The following HDAC1 variants were observed in gnomAD, a reference collection of about 807,000 sequenced individuals.
HDAC1 encodes protein deacetylase HDAC1.
Under a neutral mutation model 65.5 loss-of-function variants are expected in HDAC1, and 18 were observed. The ratio of observed to expected loss-of-function variants is 0.27; its 90% confidence interval spans 0.19 to 0.41. The LOEUF is 0.41. Ranked by LOEUF, HDAC1 falls within the 10% of genes least tolerant of loss-of-function variation. HDAC1 has a pLI of 1.00. For synonymous variants in HDAC1, 211 were observed against 227.9 expected (o/e 0.93, Z 0.67); for missense variants, 373 against 625.2 (o/e 0.60, Z 4.30).
At chr1:32,302,523 G>A in intron 1 of HDAC1, 98 bp from the exon 2 acceptor site, 3 of 617,968 alleles carry the variant, frequency 4.9e-6, no homozygotes, top group Middle Eastern at 2.7e-4. Flanking sequence ...AAATGAGCCA[G>A]AAAGAATTTG....
At chr1:32,305,906 G>T (rs556559201) in intron 2 of HDAC1, among the ~76,000 whole-genome samples, 2 of 152,230 alleles carry the variant, frequency 1.3e-5, no homozygotes, top group African/African-American at 4.8e-5. Context: ...CACAGTGCCT[G>T]ACCCATTTCT....
Position 32,332,782 on chromosome 1 carries a change from G to A in HDAC1, c.1421+33G>A, listed in dbSNP as rs777855188. 4.6e-6 allele frequency: 7 copies of A among 1,531,532 alleles called. No homozygotes were observed. In the African/African-American group the frequency reaches 5.5e-5, roughly 12 times the overall value. 94.9% of individuals were successfully genotyped at this position (1,531,532 alleles called of 1,614,324 possible). On this transcript the variant is annotated intron_variant, in intron 13 of 13. Coordinates refer to ENST00000373548, the MANE Select transcript of HDAC1 (RefSeq NM_004964.3). ...AGGAGCTGCCTGTGGCCATCTCCCTGGCATTGGAGCACCAGCCCCTTTGTC... is the reference window on the plus strand; with the variant it reads ...AGGAGCTGCCTGTGGCCATCTCCCTAGCATTGGAGCACCAGCCCCTTTGTC...
intron 2 of HDAC1, among the ~76,000 whole-genome samples, chr1:32,307,250 A>C (rs1055115510): frequency 3.9e-5 from 6 of 152,250 alleles, no homozygotes; most frequent in Middle Eastern, 3.4e-3. Context: ...CTTCCCAAAA[A>C]TAAAAAAAAA....
chr1:32,316,345 C>T (rs1641063996), intron 2 of HDAC1, among the ~76,000 whole-genome samples: 1 of 152,142 alleles, frequency 6.6e-6, no homozygotes, highest in Non-Finnish European at 1.5e-5. Context: ...TTAACAACCT[C>T]TTCCAATTCT....
At chr1:32,317,609 T>G (rs1251893527) in intron 3 of HDAC1, among the ~76,000 whole-genome samples, 3 of 152,186 alleles carry the variant, frequency 2.0e-5, no homozygotes, top group Non-Finnish European at 4.4e-5. Flanking sequence ...ATAACTATTA[T>G]TACAACTAAT....
At chr1:32,308,196 G>C (rs1396080972) in intron 2 of HDAC1, among the ~76,000 whole-genome samples, 2 of 151,368 alleles carry the variant, frequency 1.3e-5, no homozygotes, top group Non-Finnish European at 3.0e-5. Context: ...GCACATGCCT[G>C]TAATCCCAGC....
chr1:32,323,085 A>G (rs1308235669), intron 3 of HDAC1, among the ~76,000 whole-genome samples: 1 of 152,068 alleles, frequency 6.6e-6, no homozygotes, highest in East Asian at 1.9e-4. Flanking sequence ...GGCGGATCAC[A>G]GGGTCAGGAG....
In HDAC1 at chr1:32,316,731, C is replaced by T. The variant is rs1641069770; in HGVS notation, c.229C>T (p.Arg77Cys). Residue 77 changes from arginine (R) to cysteine (C), a missense_variant, in exon 3 of 14, where the codon CGC (arginine) becomes TGC (cysteine). By Grantham distance (180) the Arg-to-Cys change is radical. This residue lies in a region of HDAC1 where 80 missense variants were observed against 126.3 expected (regional missense o/e 0.63). Coordinates refer to ENST00000373548, the MANE Select transcript of HDAC1 (RefSeq NM_004964.3). ...CAGCGATGACTACATTAAATTCTTG[C>T]GCTCCATCCGTCCAGATAACATGTC... The part of the protein sequence containing the change: ...YHSDDYIKFL[R>C]SIRPDNMSEY... 4.3e-6 allele frequency: 7 copies of T among 1,613,682 alleles called. No individual in the cohort carries two copies. Among genetic ancestry groups the T allele is most frequent in the African/African-American group, 1.3e-5 (1 of 74,890 alleles).
At chr1:32,292,496 T>G (rs561397112) in intron 1 of HDAC1, 1 of 933,668 alleles carries the variant, frequency 1.1e-6, no homozygotes, top group Admixed American at 6.2e-5. Flanking sequence ...GTGGGACTCC[T>G]AGAGGGGAGG....
At position 32,327,522 on chromosome 1, in the gene HDAC1, C is replaced by T; in HGVS notation, c.495-14C>T. The T allele has an allele frequency of 1.2e-6, 2 of 1,610,062 alleles. No homozygotes were observed. Among genetic ancestry groups the T allele is most frequent in the Non-Finnish European group, 8.5e-7 (1 of 1,177,288 alleles). ...CAAAGAGCCCCCAGACCCCTGACCC[C>T]CTTCTGATCCTAGGTATCACCAGAG... On this transcript the variant is annotated splice_polypyrimidine_tract_variant and intron_variant, in intron 5 of 13. Coordinates refer to ENST00000373548, the MANE Select transcript of HDAC1 (RefSeq NM_004964.3). This position sits in a 1 kb window ranked among gnomAD's most constrained non-coding sequence, Gnocchi z 6.0.
At position 32,333,345 on chromosome 1, in the gene HDAC1, T is replaced by A. The variant is rs538190937; in HGVS notation, c.*301T>A. On this transcript the variant is annotated 3_prime_UTR_variant, in exon 14 of 14. Transcript: ENST00000373548. ...AACTCCTGAAATGCCAAGTGCCTGC[T>A]TAGTAGCTTTGGAAAGGTGCCCTTA... 1 of 235,828 alleles carries A rather than the reference T, an allele frequency of 4.2e-6. No homozygotes were observed. Among genetic ancestry groups the A allele is most frequent in the South Asian group, 9.1e-5 (1 of 11,028 alleles). The allele number at this position is 235,828 out of a possible 1,614,324, so 14.6% of individuals were successfully genotyped here. A position where few individuals can be genotyped will look rare whatever the true frequency, so the allele number is the denominator to read the frequency against.
chr1:32,298,088 CTT>C (rs1162166409), intron 1 of HDAC1, among the ~76,000 whole-genome samples: 19 of 113,592 alleles, frequency 1.7e-4, no homozygotes, highest in Middle Eastern at 7.5e-3. Flanking sequence ...CGCGCCCGGC[CTT>C]TTTTTTTTTT....
intron 1 of HDAC1, among the ~76,000 whole-genome samples, chr1:32,294,243 G>T (rs1640736854): frequency 6.6e-6 from 1 of 151,758 alleles, no homozygotes; most frequent in East Asian, 2.0e-4. Context: ...CCACCTCCCA[G>T]ATTCAAGGGA....
At chr1:32,313,470 C>A (rs911206998) in intron 2 of HDAC1, among the ~76,000 whole-genome samples, 23 of 152,250 alleles carry the variant, frequency 1.5e-4, no homozygotes, top group African/African-American at 5.5e-4. Flanking sequence ...GTCCTAGGCT[C>A]AAGCGATCCT....
chr1:32,315,284 CT>C (rs1353640793), intron 2 of HDAC1, among the ~76,000 whole-genome samples: 4 of 152,070 alleles, frequency 2.6e-5, no homozygotes, highest in Admixed American at 1.3e-4. Context: ...ATTAGATACC[CT>C]TTTTTCGTGA....
chr1:32,326,758 G>A (rs1285381580), intron 4 of HDAC1, among the ~76,000 whole-genome samples, 181 bp from the exon 5 acceptor site: 2 of 141,574 alleles, frequency 1.4e-5, no homozygotes, highest in South Asian at 2.6e-4. Flanking sequence ...CGTTTTTTAC[G>A]AGTAGACAGT....
At chr1:32,298,922 T>C (rs1278277924) in intron 1 of HDAC1, among the ~76,000 whole-genome samples, 1 of 152,060 alleles carries the variant, frequency 6.6e-6, no homozygotes, top group Non-Finnish European at 1.5e-5. Context: ...TGTTTGAACC[T>C]GGGAGGCAGA....
chr1:32,326,656 A>T (rs866019907), intron 4 of HDAC1, among the ~76,000 whole-genome samples: 180 of 149,996 alleles, frequency 1.2e-3, no homozygotes, highest in Admixed American at 3.7e-3. Context: ...TCATTAAAAA[A>T]ATATATATAT....
intron 2 of HDAC1, among the ~76,000 whole-genome samples, chr1:32,304,816 G>A (rs1323928476): frequency 1.4e-4 from 22 of 151,988 alleles, no homozygotes; most frequent in African/African-American, 5.3e-4. Context: ...CGCCTGCCTC[G>A]GCCTCCCAAA....
Sources: allele counts gnomAD v4.1 joint callset (sites outside exome capture counted in the v4.1 genomes callset), GRCh38; gene constraint gnomAD v4.1.1; regional missense constraint gnomAD v4.1.1; non-coding constraint Gnocchi (gnomAD v3.1); transcripts MANE v1.5; gene names NCBI Gene and HGNC (gene_info 2026-07-23, HGNC 2026-07-21).